LPIN2: variants seen among roughly 807,000 people sequenced by gnomAD.
LPIN2 encodes lipin 2.
A neutral mutation model predicts 111.4 loss-of-function variants in LPIN2; 55 were observed. The observed-to-expected ratio is 0.49, with a 90% CI of 0.40 to 0.62. The LOEUF is 0.62. Ranked by LOEUF, LPIN2 falls within the 20% of genes least tolerant of loss-of-function variation. The pLI, the probability that LPIN2 is intolerant of heterozygous loss-of-function variation, is 0.00. For synonymous variants in LPIN2, 425 were observed against 414.0 expected (o/e 1.03, Z -0.32); for missense variants, 992 against 1,112.1 (o/e 0.89, Z 1.54).
At chr18:2,946,684 A>C (rs2143061167) in intron 4 of LPIN2, 1 of 624,764 alleles carries the variant, frequency 1.6e-6, no homozygotes. Flanking sequence ...AAATAGCCTG[A>C]ATTATTTATG....
intron 10 of LPIN2, 83 bp from the exon 11 acceptor site, chr18:2,928,743 G>A: frequency 1.0e-6 from 1 of 993,920 alleles, no homozygotes; most frequent in Non-Finnish European, 1.6e-6. Context: ...AGGGAGGGAG[G>A]AGGGAAGTGA....
At chr18:2,977,113 CG>C (rs999566097) in intron 1 of LPIN2, 6 of 150,696 alleles carry the variant, frequency 4.0e-5, no homozygotes, top group African/African-American at 1.5e-4. Context: ...AAGGCTGAGG[CG>C]AAAGGACTGC....
chr18:2,943,430 G>A (rs1305928061), intron 4 of LPIN2, among the ~76,000 whole-genome samples: 2 of 40,262 alleles, frequency 5.0e-5, no homozygotes, highest in South Asian at 5.2e-4. Flanking sequence ...TAAAAGCTGC[G>A]TGTGTGTGTG....
At chr18:2,935,493 G>A (rs574107644) in intron 7 of LPIN2, among the ~76,000 whole-genome samples, 1 of 152,304 alleles carries the variant, frequency 6.6e-6, no homozygotes, top group South Asian at 2.1e-4. Context: ...GCATGAGGGT[G>A]TGGATGGGTG....
At chr18:3,009,895 G>A (rs184414738) in intron 1 of LPIN2, among the ~76,000 whole-genome samples, 2 of 152,228 alleles carry the variant, frequency 1.3e-5, no homozygotes, top group South Asian at 2.1e-4. Context: ...AATCCTGAAA[G>A]TGACATTAAG....
At chr18:2,984,123 C>T (rs1177709363) in intron 1 of LPIN2, among the ~76,000 whole-genome samples, 1 of 152,206 alleles carries the variant, frequency 6.6e-6, no homozygotes, top group Non-Finnish European at 1.5e-5. Flanking sequence ...TAATAGGTGT[C>T]TGGTGATGCT....
At chr18:2,944,544 G>A (rs538365729) in intron 4 of LPIN2, among the ~76,000 whole-genome samples, 2 of 151,606 alleles carry the variant, frequency 1.3e-5, no homozygotes, top group South Asian at 4.2e-4. Flanking sequence ...TAGAGACGGG[G>A]TTTCACCGTG....
chr18:2,965,665 G>A (rs975129636), intron 1 of LPIN2, among the ~76,000 whole-genome samples: 6 of 149,804 alleles, frequency 4.0e-5, no homozygotes, highest in Non-Finnish European at 7.4e-5. Flanking sequence ...GGGAGGCAGA[G>A]GTTGCAGTGA....
Position 2,940,609 on chromosome 18 carries a change from C to G in LPIN2, c.694G>C (p.Glu232Gln), listed in dbSNP as rs959123252. Residue 232 changes from glutamate (E) to glutamine (Q), a missense_variant, in exon 5 of 20, where the codon GAG (glutamate) becomes CAG (glutamine). Physicochemically the swap from Glu to Gln is conservative, Grantham distance 29. Transcript: ENST00000677752. Reference sequence around the variant, plus strand: ...AGAAATTTCAAAGATACTTACGTCTCTAAAGGGGACCAATCTCCATCAGAT... The same window carrying G: ...AGAAATTTCAAAGATACTTACGTCTGTAAAGGGGACCAATCTCCATCAGAT... ...PLSDGDWSPL[E>Q]TTYPQTACPK... 9.4e-6 allele frequency: 15 copies of G among 1,601,788 alleles called. No homozygotes were observed. The highest frequency in any genetic ancestry group is 1.3e-5 in the Non-Finnish European group (15 of 1,169,232).
intron 6 of LPIN2, among the ~76,000 whole-genome samples, chr18:2,938,528 A>C (rs1290191735): frequency 6.6e-6 from 1 of 152,194 alleles, no homozygotes; most frequent in East Asian, 1.9e-4. Flanking sequence ...TATCTCAAAA[A>C]AAAAGGTGTA....
intron 5 of LPIN2, 44 bp from the exon 6 acceptor site, chr18:2,939,647 AC>A: frequency 6.2e-7 from 1 of 1,606,592 alleles, no homozygotes; most frequent in Non-Finnish European, 8.5e-7. Flanking sequence ...AAGTCGGGAA[AC>A]CTTCAGTCTT....
At chr18:2,923,211 C>T (rs532775238) in intron 16 of LPIN2, among the ~76,000 whole-genome samples, 24 of 151,940 alleles carry the variant, frequency 1.6e-4, no homozygotes, top group Admixed American at 1.4e-3. Context: ...ACCTGAGGTT[C>T]GGAGTTCAAG....
chr18:3,001,853 A>AT (rs2143476193), intron 1 of LPIN2, among the ~76,000 whole-genome samples: 1 of 152,324 alleles, frequency 6.6e-6, no homozygotes, highest in African/African-American at 2.4e-5. Context: ...AGCCTAATGA[A>AT]TAAGAATCAC....
chr18:2,968,332 A>G (rs1385351034), intron 1 of LPIN2, among the ~76,000 whole-genome samples: 1 of 152,132 alleles, frequency 6.6e-6, no homozygotes, highest in Non-Finnish European at 1.5e-5. Context: ...AACAATCACA[A>G]AAAAAGATGC....
intron 1 of LPIN2, among the ~76,000 whole-genome samples, chr18:2,993,658 G>A (rs1377506611): frequency 6.6e-6 from 1 of 152,146 alleles, no homozygotes; most frequent in Admixed American, 6.5e-5. Context: ...ACAACAGAGA[G>A]CTTCTTCCTT....
chr18:2,936,976 AACCT>A (rs1339455055), intron 7 of LPIN2, among the ~76,000 whole-genome samples: 1 of 152,228 alleles, frequency 6.6e-6, no homozygotes, highest in African/African-American at 2.4e-5. Flanking sequence ...ACTGCTAAAA[AACCT>A]ACCTAATTTA....
chr18:3,011,291 T>C (rs2078597987), intron 1 of LPIN2, among the ~76,000 whole-genome samples: 1 of 152,232 alleles, frequency 6.6e-6, no homozygotes, highest in Non-Finnish European at 1.5e-5. Flanking sequence ...GCATAATGCG[T>C]GCCTATTGAC....
chr18:2,937,994 G>A lies in LPIN2; in HGVS notation c.866C>T (p.Thr289Ile). The part of the protein sequence containing the change: ...ERSDHHPRTA[T>I]ITPSENTHFR... ...ATGAGTATTTTCTGATGGTGTAATT[G>A]TAGCTGTCCTAGGATGATGGTCAGA... Residue 289 changes from threonine to isoleucine, a missense_variant, in exon 7 of 20, where the codon ACA (threonine) becomes ATA (isoleucine). Physicochemically the swap from Thr to Ile is moderately conservative, Grantham distance 89 (BLOSUM62 -1). Transcript: ENST00000677752. 1.2e-6 allele frequency: 2 copies of A among 1,614,136 alleles called. No individual in the cohort carries two copies. Among genetic ancestry groups the A allele is most frequent in the Non-Finnish European group, 1.7e-6 (2 of 1,180,012 alleles).
rs61735393 is a variant in LPIN2, at chr18:2,925,361, C to T, written c.1801G>A (p.Glu601Lys). Residue 601 changes from glutamate to lysine, a missense_variant, in exon 14 of 20, where the codon GAG becomes AAG. Coordinates refer to ENST00000677752, the MANE Select transcript of LPIN2 (RefSeq NM_001375808.2). This position sits in a 1 kb window ranked among gnomAD's most constrained non-coding sequence, Gnocchi z 4.1. ...SKEPAGARPA[E>K]NDSSSDEGSQ... ...CCCTCGTCACTCGAGGAGTCATTCT[C>T]GGCCGGCCTGTTCAACATTAGCCCA... 9.1e-3 allele frequency: 14,719 copies of T among 1,614,068 alleles called. 113 individuals carry two copies. Among genetic ancestry groups the T allele is most frequent in the Middle Eastern group, 0.039 (235 of 6,058 alleles).
Sources: allele counts gnomAD v4.1 joint callset (sites outside exome capture counted in the v4.1 genomes callset), GRCh38; gene constraint gnomAD v4.1.1; non-coding constraint Gnocchi (gnomAD v3.1); transcripts MANE v1.5; gene names NCBI Gene and HGNC (gene_info 2026-07-23, HGNC 2026-07-21).